DRC7: variants seen among roughly 807,000 people sequenced by gnomAD.
DRC7 encodes the protein dynein regulatory complex subunit 7.
DRC7 carries 80 observed loss-of-function variants against 104.4 expected under a neutral mutation model. That is an observed-to-expected ratio of 0.77 (90% CI 0.64 to 0.92). DRC7 has a LOEUF of 0.92. DRC7 is among the 40% of genes least tolerant of loss of function. The pLI is 0.00. For synonymous variants in DRC7, 405 were observed against 447.3 expected (o/e 0.91, Z 1.19); for missense variants, 1,034 against 1,141.1 (o/e 0.91, Z 1.35).
rs2048641628 is a variant in DRC7, at chr16:57,700,158, C to A, written c.392C>A (p.Thr131Lys). Residue 131 changes from threonine to lysine, a missense_variant, in exon 5 of 19, where the codon ACA (threonine) becomes AAA (lysine). By Grantham distance (78) the Thr-to-Lys change is moderately conservative. Coordinates refer to ENST00000360716, the MANE Select transcript of DRC7 (RefSeq NM_001289162.2). ...NECEVPKFVS[T>K]TLRPTLMPYP... The stretch of plus-strand genomic sequence containing the variant: ...CTCTCCTTGCAGAAGTTCGTGAGCA[C>A]AACCCTCCGGCCCACACTGATGCCC... The A allele has an allele frequency of 6.2e-7, 1 of 1,613,908 alleles. No individual in the cohort carries two copies. Among genetic ancestry groups the A allele is most frequent in the Non-Finnish European group, 8.5e-7 (1 of 1,179,830 alleles).
intron 4 of DRC7, 30 bp from the exon 5 acceptor site, chr16:57,700,115 A>T (rs1567871667): frequency 6.2e-7 from 1 of 1,607,694 alleles, no homozygotes; most frequent in Non-Finnish European, 8.5e-7. Flanking sequence ...TATTGCCTTG[A>T]CCCCACTGGC....
In DRC7 at chr16:57,700,161, C is replaced by A. The variant is rs756978671; in HGVS notation, c.395C>A (p.Thr132Asn). The A allele has an allele frequency of 3.7e-6, 6 of 1,613,976 alleles. No homozygotes were observed. The highest frequency in any genetic ancestry group is 5.1e-6 in the Non-Finnish European group (6 of 1,179,876). ...TCCTTGCAGAAGTTCGTGAGCACAA[C>A]CCTCCGGCCCACACTGATGCCCTAC... ...ECEVPKFVST[T>N]LRPTLMPYPE... Residue 132 changes from threonine (T) to asparagine (N), a missense_variant, in exon 5 of 19, where the codon ACC becomes AAC. Thr to Asn is a moderately conservative substitution (Grantham distance 65). Coordinates refer to ENST00000360716, the MANE Select transcript of DRC7 (RefSeq NM_001289162.2).
chr16:57,726,289 C>A lies in DRC7; in HGVS notation c.1974+6C>A. The stretch of plus-strand genomic sequence containing the variant: ...ACATGTGCATCAGCTTCGAGGTGGG[C>A]CTGGGGGCCACGGCGGGCAGGGGTC... On this transcript the variant is annotated splice_donor_region_variant and intron_variant, in intron 14 of 18. Transcript: ENST00000360716. 6.2e-7 allele frequency: 1 copy of A among 1,605,156 alleles called. No homozygotes were observed. Among genetic ancestry groups the A allele is most frequent in the Non-Finnish European group, 8.5e-7 (1 of 1,173,490 alleles).
Position 57,707,530 on chromosome 16 carries a change from G to A in DRC7, c.929G>A (p.Gly310Glu). The change falls in exon 8 of 19, where the codon GGG becomes GAG. Residue 310 changes from glycine (G) to glutamate (E), a missense_variant. Coordinates refer to ENST00000360716, the MANE Select transcript of DRC7 (RefSeq NM_001289162.2). ...RVHSWVLVLSGKREVPENFFI... is the reference protein window; with the variant it reads ...RVHSWVLVLSEKREVPENFFI... ...CACTCCTGGGTCCTTGTGCTATCGG[G>A]GAAGCGCGAGGTGCCTGAGAACTTC... 1 of 1,613,494 alleles carries A rather than the reference G, an allele frequency of 6.2e-7. No individual in the cohort carries two copies. The highest frequency in any genetic ancestry group is 8.5e-7 in the Non-Finnish European group (1 of 1,180,008).
rs753366478 is a variant in DRC7, at chr16:57,724,848, G to T, written c.1758+13G>T. 2 of 1,602,298 alleles carry T rather than the reference G, an allele frequency of 1.2e-6. No individual in the cohort carries two copies. Among genetic ancestry groups the T allele is most frequent in the Admixed American group, 1.7e-5 (1 of 59,432 alleles). ...CCGGCCCATTGTGGTAAGAGCTCGC[G>T]GGGGCTGGGGACAGGTCGCCCTCCT... On this transcript the variant is annotated intron_variant, in intron 13 of 18. Transcript: ENST00000360716.
chr16:57,700,533 G>T (rs560874746), intron 5 of DRC7, among the ~76,000 whole-genome samples: 1 of 152,008 alleles, frequency 6.6e-6, no homozygotes, highest in Non-Finnish European at 1.5e-5. Context: ...TGTAATCCTA[G>T]CTACTGGGGA....
At chr16:57,695,017 T>A (rs577598722) in intron 1 of DRC7, among the ~76,000 whole-genome samples, 165 bp downstream of exon 1, 1 of 152,016 alleles carries the variant, frequency 6.6e-6, no homozygotes, top group Non-Finnish European at 1.5e-5. Context: ...AGGAAGTTGC[T>A]GGTGGAGAGG....
rs2048641973 is a variant in DRC7, at chr16:57,700,170, C to T, written c.404C>T (p.Pro135Leu). 1.9e-6 allele frequency: 3 copies of T among 1,612,808 alleles called. No homozygotes were observed. Among genetic ancestry groups the T allele is most frequent in the African/African-American group, 1.3e-5 (1 of 74,400 alleles). Residue 135 changes from proline (P) to leucine (L), a missense_variant, in exon 5 of 19, where the codon CCC (proline) becomes CTC (leucine). Physicochemically the swap from Pro to Leu is moderately conservative, Grantham distance 98. Coordinates refer to ENST00000360716, the MANE Select transcript of DRC7 (RefSeq NM_001289162.2). ...VPKFVSTTLR[P>L]TLMPYPELYN... ...AAGTTCGTGAGCACAACCCTCCGGC[C>T]CACACTGATGCCCTACCCCGAGCTC...
At chr16:57,728,239 T>G in intron 16 of DRC7, 151 bp from the exon 17 acceptor site, 1 of 610,676 alleles carries the variant, frequency 1.6e-6, no homozygotes, top group Middle Eastern at 4.8e-4. Flanking sequence ...GAGACCAGCA[T>G]GTGGGCCCTT....
chr16:57,707,562 G>T lies in DRC7; in HGVS notation c.961G>T (p.Asp321Tyr). The change falls in exon 8 of 19, where the codon GAC (aspartate) becomes TAC (tyrosine). Residue 321 changes from aspartate (D) to tyrosine (Y), a missense_variant. Asp to Tyr is a radical substitution (Grantham distance 160, BLOSUM62 -3). Coordinates refer to ENST00000360716, the MANE Select transcript of DRC7 (RefSeq NM_001289162.2). ...CGAGGTGCCTGAGAACTTCTTCATC[G>T]ACCCATTCACAGGACATAGCTACAG... Reference protein sequence around the residue: ...KREVPENFFIDPFTGHSYSTQ... With the variant: ...KREVPENFFIYPFTGHSYSTQ... 1 of 1,613,516 alleles carries T rather than the reference G, an allele frequency of 6.2e-7. No homozygotes were observed. The highest frequency in any genetic ancestry group is 8.5e-7 in the Non-Finnish European group (1 of 1,180,006).
chr16:57,722,309 G>A (rs1399878992), intron 10 of DRC7, among the ~76,000 whole-genome samples: 1 of 152,220 alleles, frequency 6.6e-6, no homozygotes, highest in Non-Finnish European at 1.5e-5. Flanking sequence ...GGATGGGTGA[G>A]CAGAAAGGGG....
At chr16:57,701,895 C>T in intron 5 of DRC7, 41 bp from the exon 6 acceptor site, 1 of 1,568,988 alleles carries the variant, frequency 6.4e-7, no homozygotes, top group Non-Finnish European at 8.7e-7. Flanking sequence ...CAGGCTGGGG[C>T]AGCGGGGCCC....
chr16:57,726,769 C>T, intron 14 of DRC7, 63 bp from the exon 15 acceptor site: 1 of 1,013,762 alleles, frequency 9.9e-7, no homozygotes, highest in East Asian at 2.6e-5. Flanking sequence ...GATTTGAACC[C>T]AGGTGGTCCT....
chr16:57,731,157 G>A lies in DRC7; in HGVS notation c.2532-8G>A. ...CCTCACCCTCTTTCCTTGCCTCTCT[G>A]ACTTCAGACACAAGGAACTGGCCCC... On this transcript the variant is annotated splice_polypyrimidine_tract_variant and splice_region_variant and intron_variant, in intron 18 of 18. Transcript: ENST00000360716. The A allele has an allele frequency of 3.1e-6, 5 of 1,613,806 alleles. No individual in the cohort carries two copies. The highest frequency in any genetic ancestry group is 4.2e-6 in the Non-Finnish European group (5 of 1,179,924).
chr16:57,697,731 G>A lies in DRC7; in HGVS notation c.-37-182G>A, dbSNP rs140770890. Among the ~76,000 whole-genome samples, 6 of 152,238 alleles carry A rather than the reference G, an allele frequency of 3.9e-5. No individual in the cohort carries two copies. In the East Asian group the frequency reaches 7.7e-4, roughly 20 times the overall value. On this transcript the variant is annotated intron_variant, in intron 2 of 18. Coordinates refer to ENST00000360716, the MANE Select transcript of DRC7 (RefSeq NM_001289162.2). The stretch of plus-strand genomic sequence containing the variant: ...CCAGGATTAGAAAGGTGTTACAGAT[G>A]GGGTAGCACCAAACAGAGACTTTCT...
chr16:57,726,928 G>A lies in DRC7; in HGVS notation c.2071G>A (p.Glu691Lys). Residue 691 changes from glutamate to lysine, a missense_variant, in exon 15 of 19, where the codon GAG becomes AAG. Glu to Lys is a moderately conservative substitution (Grantham distance 56). Coordinates refer to ENST00000360716, the MANE Select transcript of DRC7 (RefSeq NM_001289162.2). ...EEKLSRHQVW[E>K]SELEVLEILK... ...GAAGCTGTCCAGACATCAGGTCTGG[G>A]AGTCAGAGCTGGAGGTAGGGTCCTG... The A allele has an allele frequency of 6.2e-7, 1 of 1,606,288 alleles. No individual in the cohort carries two copies. The highest frequency in any genetic ancestry group is 8.5e-7 in the Non-Finnish European group (1 of 1,173,654).
In DRC7 at chr16:57,718,291, G is replaced by A; in HGVS notation, c.1078-56G>A. 3 of 1,593,952 alleles carry A rather than the reference G, an allele frequency of 1.9e-6. No homozygotes were observed. The South Asian group carries it at 3.4e-5, about 18-fold the overall frequency. Reference sequence around the variant, plus strand: ...CCATCTCCCAACTCCCCATGGATCAGGTGGGGACGTGGTGGCTGTGGGGTA... The same window carrying A: ...CCATCTCCCAACTCCCCATGGATCAAGTGGGGACGTGGTGGCTGTGGGGTA... On this transcript the variant is annotated intron_variant, in intron 8 of 18. Transcript: ENST00000360716.
chr16:57,725,176 G>C (rs982393873), intron 13 of DRC7, among the ~76,000 whole-genome samples: 1 of 150,046 alleles, frequency 6.7e-6, no homozygotes, highest in East Asian at 2.0e-4. Context: ...TAGTGAAAAG[G>C]GTCCTTTTCA....
rs1287998699 is a variant in DRC7, at chr16:57,727,527, T to C, written c.2196+118T>C. On this transcript the variant is annotated intron_variant, in intron 16 of 18. Coordinates refer to ENST00000360716, the MANE Select transcript of DRC7 (RefSeq NM_001289162.2). ...CCTCTGTGGGGGATACGGTTATTGATACCATGCGGTCATCCTTGCTGCTGA... is the reference window on the plus strand; with the variant it reads ...CCTCTGTGGGGGATACGGTTATTGACACCATGCGGTCATCCTTGCTGCTGA... 3 of 693,238 alleles carry C rather than the reference T, an allele frequency of 4.3e-6. No homozygotes were observed. In the African/African-American group the frequency reaches 5.3e-5, roughly 12 times the overall value. 42.9% of individuals were successfully genotyped at this position (693,238 alleles called of 1,614,324 possible). A position where few individuals can be genotyped will look rare whatever the true frequency, so the allele number is the denominator to read the frequency against.
Sources: gnomAD v4.1 joint callset for allele counts (sites outside exome capture counted in the v4.1 genomes callset) on GRCh38, gnomAD v4.1.1 for gene constraint, MANE v1.5 for transcripts, NCBI Gene and HGNC (gene_info 2026-07-23, HGNC 2026-07-21) for gene names.